GALNT9: variants seen among roughly 807,000 people sequenced by gnomAD.
GALNT9 encodes the protein GalNAc transferase 9.
In GALNT9, 47 loss-of-function variants were observed where a neutral mutation model predicts 63.1. The ratio of observed to expected loss-of-function variants is 0.75; its 90% CI spans 0.59 to 0.95. The LOEUF is 0.95. Ranked by LOEUF, GALNT9 falls within the 40% of genes least tolerant of loss-of-function variation. The pLI is 0.00. For missense variants in GALNT9, 829 were observed against 874.8 expected (o/e 0.95, Z 0.66); for synonymous variants, 396 against 365.7 (o/e 1.08, Z -0.94).
intron 7 of GALNT9, among the ~76,000 whole-genome samples, 199 bp from the exon 8 acceptor site, chr12:132,201,460 T>A (rs1272022805): frequency 6.6e-6 from 1 of 152,028 alleles, no homozygotes; most frequent in Non-Finnish European, 1.5e-5. Flanking sequence ...CAGCTGCTCC[T>A]GATGGGAAGG....
intron 8 of GALNT9, among the ~76,000 whole-genome samples, chr12:132,200,091 G>A (rs373018438): frequency 6.6e-5 from 10 of 152,102 alleles, no homozygotes; most frequent in East Asian, 3.9e-4. Context: ...GAGGGGCGGT[G>A]CCCCGATGCA....
At chr12:132,281,117 G>A (rs782395329) in intron 2 of GALNT9, among the ~76,000 whole-genome samples, 87 of 152,208 alleles carry the variant, frequency 5.7e-4, no homozygotes, top group Non-Finnish European at 9.8e-4. Flanking sequence ...AGCCACACTC[G>A]CTGAGCCGCG....
chr12:132,270,381 G>T (rs527476326), intron 2 of GALNT9, among the ~76,000 whole-genome samples: 1 of 152,348 alleles, frequency 6.6e-6, no homozygotes, highest in Non-Finnish European at 1.5e-5. Flanking sequence ...ACAGAGCCCT[G>T]CCCAGGGGCA....
rs1310836176 is a variant in GALNT9, at chr12:132,286,152, C to T, written c.419+98G>A. 1.5e-6 allele frequency: 2 copies of T among 1,354,558 alleles called. No individual in the cohort carries two copies. Among genetic ancestry groups the T allele is most frequent in the Non-Finnish European group, 1.9e-6 (2 of 1,027,494 alleles). The allele number at this position is 1,354,558 out of a possible 1,614,324, so 83.9% of individuals were successfully genotyped here. On this transcript the variant is annotated intron_variant, in intron 2 of 10. Coordinates refer to ENST00000328957, the MANE Select transcript of GALNT9 (RefSeq NM_001122636.2). The surrounding 1 kb of genome is among the most constrained non-coding windows in gnomAD (Gnocchi z 7.4). ...TGGCGGGCGTGGGGGCCGCTCACTT[C>T]CCCGGCCGGCGTGGGGGGCAGTCAC...
At chr12:132,205,151 T>C (rs542576104) in intron 6 of GALNT9, among the ~76,000 whole-genome samples, 1 of 152,174 alleles carries the variant, frequency 6.6e-6, no homozygotes, top group South Asian at 2.1e-4. Context: ...ATCTTAATCA[T>C]GTCTGCAAAG....
At position 132,203,418 on chromosome 12, in the gene GALNT9, A is replaced by AG. The variant is rs1876346918; in HGVS notation, c.1263+86dup. The stretch of plus-strand genomic sequence containing the variant: ...CCCACTCACACCTGCAGGGGGCCCT[A>AG]GGGGGCCTCCCTCCGGCCCAGCCCT... On this transcript the variant is annotated intron_variant, in intron 7 of 10. Coordinates refer to ENST00000328957, the MANE Select transcript of GALNT9 (RefSeq NM_001122636.2). 4.6e-6 allele frequency: 6 copies of AG among 1,291,600 alleles called. No homozygotes were observed. The South Asian group carries it at 5.3e-5, about 11-fold the overall frequency. 80.0% of individuals were successfully genotyped at this position (1,291,600 alleles called of 1,614,324 possible).
intron 1 of GALNT9, among the ~76,000 whole-genome samples, chr12:132,322,019 T>G (rs1868826470): frequency 7.1e-6 from 1 of 140,656 alleles, no homozygotes; most frequent in Non-Finnish European, 1.5e-5. Flanking sequence ...CCACTGTCTC[T>G]CCTCGTCTTA....
intron 5 of GALNT9, among the ~76,000 whole-genome samples, chr12:132,250,259 T>G: frequency 6.8e-6 from 1 of 147,746 alleles, no homozygotes; most frequent in South Asian, 2.2e-4. Context: ...GGGCAGGAAG[T>G]GGATTCGTGG....
chr12:132,262,535 G>A lies in GALNT9; in HGVS notation c.510C>T (p.Ser170=), dbSNP rs59683276. 7.4e-3 allele frequency: 11,461 copies of A among 1,551,382 alleles called. 716 individuals are homozygous for A. In the African/African-American group the frequency reaches 0.13, roughly 18 times the overall value. The part of the protein sequence containing the change: ...VNEALSVILR[S]VHSVVNHTPS... ...GCGTGTGGTTGACCACGCTGTGCAC[G>A]GAGCGCAGGATGACCGACAGCGCCT... The change falls in exon 3 of 11, where the codon TCC becomes TCT. Residue 170 remains serine, a synonymous_variant. Coordinates refer to ENST00000328957, the MANE Select transcript of GALNT9 (RefSeq NM_001122636.2).
chr12:132,285,409 A>G (rs1593104743), intron 2 of GALNT9, among the ~76,000 whole-genome samples: 2 of 152,340 alleles, frequency 1.3e-5, no homozygotes, highest in East Asian at 3.9e-4. Context: ...TTATCCGAGC[A>G]ACAATGCCAA....
rs921189927 is a variant in GALNT9 at position 132,315,005 on chromosome 12, C to T, written c.238+13961G>A. On this transcript the variant is annotated intron_variant, in intron 1 of 10. Coordinates refer to ENST00000328957, the MANE Select transcript of GALNT9 (RefSeq NM_001122636.2). The surrounding 1 kb of genome is among the most constrained non-coding windows in gnomAD (Gnocchi z 6.1). ...CAGAGCTTTGCAGGCTCCCCTTGTC[C>T]AGCGTCCTCACAACAGAGGTGAGTG... Among the ~76,000 whole-genome samples the T allele has an allele frequency of 3.9e-5, 6 of 152,342 alleles. No individual in the cohort carries two copies. The highest frequency in any genetic ancestry group is 6.5e-5 in the Admixed American group (1 of 15,302).
At chr12:132,292,272 G>A (rs922296441) in intron 1 of GALNT9, among the ~76,000 whole-genome samples, 2 of 152,210 alleles carry the variant, frequency 1.3e-5, no homozygotes, top group Non-Finnish European at 2.9e-5. Context: ...AGCGCCTCAT[G>A]TGTTCACAGC....
rs140536990 is a variant in GALNT9 at position 132,282,423 on chromosome 12, G to A, written c.419+3827C>T. 3.2e-4 allele frequency among the ~76,000 whole-genome samples: 49 copies of A among 152,184 alleles called. 1 individual carries two copies. The East Asian group carries it at 8.5e-3, about 26-fold the overall frequency. On this transcript the variant is annotated intron_variant, in intron 2 of 10. Transcript: ENST00000328957. The surrounding 1 kb of genome is among the most constrained non-coding windows in gnomAD (Gnocchi z 4.5). The stretch of plus-strand genomic sequence containing the variant: ...TGTGCGCGTGTGTGCGTGTGTGTGC[G>A]TGTGTGCGTGCATGCGTGTGTGTGC...
rs375740436 is a variant in GALNT9 at position 132,303,454 on chromosome 12, C to T, written c.239-17024G>A. Among the ~76,000 whole-genome samples, 3 of 85,150 alleles carry T rather than the reference C, an allele frequency of 3.5e-5. 1 individual carries two copies. In the East Asian group the frequency reaches 9.7e-4, roughly 28 times the overall value. 55.9% of individuals were successfully genotyped at this position (85,150 alleles called of 152,430 possible). On this transcript the variant is annotated intron_variant, in intron 1 of 10. Transcript: ENST00000328957. ...CCGGGCACACCCTCGCCCGGGCACACCCTCGCCCGGACACACCCTCACCCG... is the reference window on the plus strand; with the variant it reads ...CCGGGCACACCCTCGCCCGGGCACATCCTCGCCCGGACACACCCTCACCCG...
At chr12:132,268,895 C>T (rs931912166) in intron 2 of GALNT9, among the ~76,000 whole-genome samples, 2 of 152,230 alleles carry the variant, frequency 1.3e-5, no homozygotes, top group East Asian at 1.9e-4. Flanking sequence ...CGGTGAGGGT[C>T]GCGGAGGGGC....
At chr12:132,267,276 G>A (rs528086885) in intron 2 of GALNT9, among the ~76,000 whole-genome samples, 24 of 152,214 alleles carry the variant, frequency 1.6e-4, no homozygotes, top group African/African-American at 5.8e-4. Context: ...GGCAGGGGTG[G>A]ATGGGGTGGG....
At chr12:132,281,942 C>T (rs1336188262) in intron 2 of GALNT9, among the ~76,000 whole-genome samples, 3 of 143,722 alleles carry the variant, frequency 2.1e-5, no homozygotes, top group African/African-American at 5.3e-5. Flanking sequence ...ATCAGCTCCA[C>T]TACAGCAAGC....
intron 7 of GALNT9, 40 bp from the exon 8 acceptor site, chr12:132,201,301 A>C (rs1324687000): frequency 6.8e-7 from 1 of 1,467,018 alleles, no homozygotes. Flanking sequence ...CATGGGTGTC[A>C]CCATGACCTG....
chr12:132,267,790 C>CAT (rs1879674778), intron 2 of GALNT9, among the ~76,000 whole-genome samples: 4 of 100,392 alleles, frequency 4.0e-5, no homozygotes, highest in African/African-American at 1.8e-4. Flanking sequence ...CGCACACACA[C>CAT]GCACTCACAC....
Sources: gnomAD v4.1 joint callset for allele counts (sites outside exome capture counted in the v4.1 genomes callset) on GRCh38, gnomAD v4.1.1 for gene constraint, Gnocchi (gnomAD v3.1) non-coding constraint, MANE v1.5 for transcripts, NCBI Gene and HGNC (gene_info 2026-07-23, HGNC 2026-07-21) for gene names.